Variants in SYTL2 observed in about 807,000 individuals in gnomAD.
SYTL2 encodes synaptotagmin like 2.
Under a neutral mutation model 198.7 loss-of-function variants are expected in SYTL2, and 165 were observed. That is an observed-to-expected ratio of 0.83 (90% CI 0.73 to 0.94). SYTL2 has a LOEUF of 0.94. SYTL2 is among the 40% of genes least tolerant of loss of function. SYTL2 has a pLI of 0.00. For synonymous variants in SYTL2, 966 were observed against 917.7 expected, an observed-to-expected ratio of 1.05 and a Z score of -0.95; for missense variants, 2,835 against 2,582.8, an observed-to-expected ratio of 1.10 and a Z score of -2.12.
intron 1 of SYTL2, among the ~76,000 whole-genome samples, chr11:85,802,300 CA>C (rs541149658): frequency 6.8e-6 from 1 of 148,110 alleles, no homozygotes; most frequent in African/African-American, 2.5e-5. Flanking sequence ...CAGCTCACTG[CA>C]ACCTCTGCCT....
chr11:85,721,043 C>G (rs1024899172), intron 8 of SYTL2, 84 bp from the exon 9 acceptor site: 7 of 785,988 alleles, frequency 8.9e-6, no homozygotes, highest in Admixed American at 2.5e-5. Flanking sequence ...AAATGGTAGG[C>G]TGAAAAGAGA....
At chr11:85,817,375 T>C in the SYTL2 span, among the ~76,000 whole-genome samples, 1 of 152,222 alleles carries the variant, frequency 6.6e-6, no homozygotes, top group African/African-American at 2.4e-5. Flanking sequence ...GTGACTAGTC[T>C]AGATTGAGAC....
chr11:85,769,036 A>G (rs1284668516), intron 1 of SYTL2, among the ~76,000 whole-genome samples: 2 of 152,226 alleles, frequency 1.3e-5, no homozygotes, highest in Non-Finnish European at 2.9e-5. Context: ...AAAAAAGATC[A>G]TTAAGAAAAA....
chr11:85,846,439 T>C, the SYTL2 span, among the ~76,000 whole-genome samples: 1 of 152,042 alleles, frequency 6.6e-6, no homozygotes, highest in Non-Finnish European at 1.5e-5. Flanking sequence ...TTTCGTTTTG[T>C]TTTTTTGAGA....
At chr11:85,789,068 A>G (rs769219696) in intron 1 of SYTL2, among the ~76,000 whole-genome samples, 4 of 151,434 alleles carry the variant, frequency 2.6e-5, no homozygotes, top group Non-Finnish European at 2.9e-5. Context: ...CCTCAAAAAG[A>G]TGAATGTTCT....
chr11:85,738,806 G>T (rs1409336755), intron 4 of SYTL2, among the ~76,000 whole-genome samples: 1 of 152,130 alleles, frequency 6.6e-6, no homozygotes, highest in African/African-American at 2.4e-5. Context: ...GCCAAGTGCT[G>T]ATGGTTGGGG....
intron 1 of SYTL2, among the ~76,000 whole-genome samples, chr11:85,797,154 A>C (rs2092815615): frequency 6.6e-6 from 1 of 152,230 alleles, no homozygotes; most frequent in Non-Finnish European, 1.5e-5. Context: ...ACAGGTGTGC[A>C]GCTCAAACCG....
intron 1 of SYTL2, among the ~76,000 whole-genome samples, chr11:85,785,738 T>G (rs143469341): frequency 1.5e-4 from 23 of 152,262 alleles, no homozygotes; most frequent in African/African-American, 4.8e-4. Context: ...AAGCTACATA[T>G]TAAGATGTAT....
intron 3 of SYTL2, among the ~76,000 whole-genome samples, chr11:85,747,988 G>A (rs1200892585): frequency 2.0e-5 from 3 of 152,116 alleles, no homozygotes; most frequent in African/African-American, 7.2e-5. Context: ...AAAAGCCAAA[G>A]AAGAGGTGGT....
intron 2 of SYTL2, among the ~76,000 whole-genome samples, chr11:85,751,119 G>C (rs1237875948): frequency 1.3e-5 from 2 of 152,060 alleles, no homozygotes; most frequent in East Asian, 3.9e-4. Flanking sequence ...GTAAGGAAAG[G>C]GTTTCTGGCT....
At chr11:85,755,639 C>A (rs2091821029) in intron 2 of SYTL2, among the ~76,000 whole-genome samples, 1 of 152,160 alleles carries the variant, frequency 6.6e-6, no homozygotes, top group Admixed American at 6.5e-5. Flanking sequence ...TCAGGCAGAA[C>A]TTTGCATTTT....
intron 2 of SYTL2, among the ~76,000 whole-genome samples, chr11:85,754,303 A>T (rs1229920262): frequency 6.6e-6 from 1 of 152,190 alleles, no homozygotes; most frequent in East Asian, 1.9e-4. Flanking sequence ...ATCATTGTCC[A>T]GAGCAGTTCC....
chr11:85,823,276 T>C, the SYTL2 span, among the ~76,000 whole-genome samples: 5 of 152,246 alleles, frequency 3.3e-5, no homozygotes, highest in Non-Finnish European at 7.3e-5. Flanking sequence ...GTTTGGGAAA[T>C]GTGCTGAGTC....
At chr11:85,695,438 A>G in intron 19 of SYTL2, 98 bp from the exon 20 acceptor site, 1 of 1,028,950 alleles carries the variant, frequency 9.7e-7, no homozygotes, top group Non-Finnish European at 1.4e-6. Context: ...AGTGGAAGCT[A>G]GGAGGAGCTT....
At chr11:85,714,779 G>T in intron 11 of SYTL2, 3 of 797,494 alleles carry the variant, frequency 3.8e-6, no homozygotes, top group Non-Finnish European at 4.9e-6. Context: ...AGCTGCACTT[G>T]AATCAAATTA....
At chr11:85,730,461 T>G (rs2089687656) in intron 7 of SYTL2, among the ~76,000 whole-genome samples, 1 of 152,120 alleles carries the variant, frequency 6.6e-6, no homozygotes, top group Non-Finnish European at 1.5e-5. Flanking sequence ...ATAAACGTAA[T>G]CCATCACGTA....
Position 85,737,624 on chromosome 11 carries a change from A to T in SYTL2, c.422T>A (p.Ile141Asn). Reference sequence around the variant, plus strand: ...CCTTGTGTTTTCCTGGGACATATCAATCACACTGGAAGCTGGATTTACCAC... The same window carrying T: ...CCTTGTGTTTTCCTGGGACATATCATTCACACTGGAAGCTGGATTTACCAC... The part of the protein sequence containing the change: ...SSVVNPASSV[I>N]DMSQENTRKP... The change falls in exon 5 of 20, where the codon ATT (isoleucine) becomes AAT (asparagine). Residue 141 changes from isoleucine to asparagine, a missense_variant. Transcript: ENST00000359152. 6.2e-7 allele frequency: 1 copy of T among 1,613,940 alleles called. No individual in the cohort carries two copies.
intron 2 of SYTL2, among the ~76,000 whole-genome samples, chr11:85,751,374 C>T (rs1032600299): frequency 7.2e-5 from 11 of 152,122 alleles, no homozygotes; most frequent in Non-Finnish European, 1.3e-4. Context: ...TTCCAGCCCA[C>T]GTTCATCTCT....
intron 19 of SYTL2, among the ~76,000 whole-genome samples, 182 bp downstream of exon 19, chr11:85,696,000 TC>T (rs1264245767): frequency 6.6e-6 from 1 of 152,206 alleles, no homozygotes; most frequent in Non-Finnish European, 1.5e-5. Context: ...CTGTTAATCC[TC>T]ATATCTGGAG....
Sources: gnomAD v4.1 joint callset for allele counts (sites outside exome capture counted in the v4.1 genomes callset) on GRCh38, gnomAD v4.1.1 for gene constraint, MANE v1.5 for transcripts, NCBI Gene and HGNC (gene_info 2026-07-23, HGNC 2026-07-21) for gene names.